FGD4: variants seen among roughly 807,000 people sequenced by gnomAD.
FGD4 encodes FYVE, RhoGEF and PH domain-containing protein 4.
FGD4 carries 42 observed loss-of-function variants against 102.0 expected under a neutral mutation model. The ratio of observed to expected loss-of-function variants is 0.41; its 90% CI spans 0.32 to 0.53. The LOEUF is 0.53. FGD4 is among the 20% of genes least tolerant of loss of function. FGD4 has a pLI of 0.21. For synonymous variants in FGD4, 380 were observed against 375.7 expected (o/e 1.01, Z -0.13); for missense variants, 902 against 1,078.2 (o/e 0.84, Z 2.29).
chr12:32,407,135 T>A lies in FGD4; in HGVS notation c.166+7176T>A, dbSNP rs1220255512. Among the ~76,000 whole-genome samples, 20 of 140,808 alleles carry A rather than the reference T, an allele frequency of 1.4e-4. 1 individual carries two copies. The highest frequency in any genetic ancestry group is 5.7e-4 in the Admixed American group (8 of 14,038). 92.4% of individuals were successfully genotyped at this position (140,808 alleles called of 152,430 possible). ...CAAGAAGCTGTATTTTTTTTTTTTT[T>A]TTTTTTTGAGACAGAGTCTCACTCT... On this transcript the variant is annotated intron_variant, in intron 1 of 16. Coordinates refer to ENST00000534526, the MANE Select transcript of FGD4 (RefSeq NM_001370298.3).
At position 32,410,314 on chromosome 12, in the gene FGD4, C is replaced by T. The variant is rs568718804; in HGVS notation, c.166+10355C>T. 4.0e-5 allele frequency among the ~76,000 whole-genome samples: 6 copies of T among 149,980 alleles called. No homozygotes were observed. The East Asian group carries it at 7.9e-4, about 20-fold the overall frequency. On this transcript the variant is annotated intron_variant, in intron 1 of 16. Transcript: ENST00000534526. Reference sequence around the variant, plus strand: ...CTGCACTCCAGCCTGGGCGACACAGCGAGATTCCGTCTCAAAAAAAAAAAA... The same window carrying T: ...CTGCACTCCAGCCTGGGCGACACAGTGAGATTCCGTCTCAAAAAAAAAAAA...
intron 1 of FGD4, among the ~76,000 whole-genome samples, chr12:32,528,179 C>T (rs1016961795): frequency 6.6e-6 from 1 of 152,060 alleles, no homozygotes; most frequent in East Asian, 1.9e-4. Flanking sequence ...TCAAGCAATC[C>T]TCCCGCTTCA....
intron 1 of FGD4, among the ~76,000 whole-genome samples, chr12:32,480,622 T>G (rs1283944764): frequency 6.6e-6 from 1 of 151,688 alleles, no homozygotes; most frequent in African/African-American, 2.4e-5. Flanking sequence ...TGCCTCAGCC[T>G]TCCGAGTAGC....
chr12:32,585,222 TTATATATATATATATA>T lies in FGD4; in HGVS notation c.1011+2775_1011+2790del, dbSNP rs140227421. 5.1e-3 allele frequency among the ~76,000 whole-genome samples: 587 copies of T among 116,142 alleles called. 10 individuals carry two copies. Among genetic ancestry groups the T allele is most frequent in the Middle Eastern group, 0.013 (3 of 238 alleles). 76.2% of individuals were successfully genotyped at this position (116,142 alleles called of 152,430 possible). On this transcript the variant is annotated intron_variant, in intron 4 of 16. Coordinates refer to ENST00000534526, the MANE Select transcript of FGD4 (RefSeq NM_001370298.3). ...AGAGTGAGACCCTGTCTCAAAAATT[TTATATATATATATATA>T]TATATATATATATATATATGTATAT...
At chr12:32,456,447 C>T (rs952048321) in intron 1 of FGD4, among the ~76,000 whole-genome samples, 3 of 152,060 alleles carry the variant, frequency 2.0e-5, no homozygotes, top group African/African-American at 2.4e-5. Context: ...TCACATGAGA[C>T]TACTGTAGTA....
chr12:32,475,916 C>T (rs1409426302), intron 1 of FGD4, among the ~76,000 whole-genome samples: 1 of 152,112 alleles, frequency 6.6e-6, no homozygotes, highest in Non-Finnish European at 1.5e-5. Context: ...CTTTATATTT[C>T]CTCTGAATTC....
At chr12:32,529,834 C>A (rs1941622625) in intron 1 of FGD4, among the ~76,000 whole-genome samples, 2 of 139,680 alleles carry the variant, frequency 1.4e-5, no homozygotes, top group African/African-American at 2.7e-5. Flanking sequence ...CAGAGTGAGA[C>A]TCTGTCTAAA....
intron 8 of FGD4, 40 bp from the exon 9 acceptor site, chr12:32,610,736 A>G: frequency 6.3e-7 from 1 of 1,576,178 alleles, no homozygotes; most frequent in Non-Finnish European, 8.7e-7. Context: ...CACAGGAAGG[A>G]CAAAGCATAT....
chr12:32,520,352 A>G (rs915742016), intron 1 of FGD4, among the ~76,000 whole-genome samples: 3 of 152,142 alleles, frequency 2.0e-5, no homozygotes, highest in African/African-American at 7.2e-5. Flanking sequence ...AAAAACAAGC[A>G]GATTCAGTCA....
intron 1 of FGD4, among the ~76,000 whole-genome samples, chr12:32,532,369 A>T (rs1941884098): frequency 6.6e-6 from 1 of 152,188 alleles, no homozygotes; most frequent in Non-Finnish European, 1.5e-5. Flanking sequence ...AATGGTTATC[A>T]CTGTACTAGC....
intron 1 of FGD4, among the ~76,000 whole-genome samples, chr12:32,562,740 C>T (rs1322346909): frequency 2.6e-5 from 4 of 152,122 alleles, no homozygotes; most frequent in South Asian, 2.1e-4. Context: ...AAAAGGTCAC[C>T]GATCAACAGG....
intron 1 of FGD4, among the ~76,000 whole-genome samples, chr12:32,402,553 A>G (rs1386898546): frequency 6.6e-6 from 1 of 151,600 alleles, no homozygotes; most frequent in Admixed American, 6.6e-5. Flanking sequence ...GCTCAAAGCT[A>G]TCCTTCTGCC....
intron 5 of FGD4, among the ~76,000 whole-genome samples, chr12:32,599,532 A>ATTTTTTTTTTTTTTTTTTTTTT (rs1948203574): frequency 2.1e-5 from 1 of 47,706 alleles, no homozygotes; most frequent in African/African-American, 8.4e-5. Context: ...AAACTAAGGC[A>ATTTTTTTTTTTTTTTTTTTTTT]TCTTTTTTTT....
At chr12:32,428,307 C>T (rs903799993) in intron 1 of FGD4, among the ~76,000 whole-genome samples, 1 of 152,140 alleles carries the variant, frequency 6.6e-6, no homozygotes, top group Non-Finnish European at 1.5e-5. Flanking sequence ...GATTTTATTT[C>T]TCCTTTGCTT....
At chr12:32,624,947 G>A in intron 12 of FGD4, 29 bp from the exon 13 acceptor site, 1 of 1,571,816 alleles carries the variant, frequency 6.4e-7, no homozygotes, top group Non-Finnish European at 8.8e-7. Context: ...AAACTTTAAT[G>A]TGTGCTTTGA....
rs1367386808 is a variant in FGD4, at chr12:32,452,280, A to T, written c.166+52321A>T. On this transcript the variant is annotated intron_variant, in intron 1 of 16. Transcript: ENST00000534526. The stretch of plus-strand genomic sequence containing the variant: ...CTGTGGTACATAGAAATTTTTGTGG[A>T]ATTCTCATTGCCAGTAAGTACCAGA... Among the ~76,000 whole-genome samples the T allele has an allele frequency of 3.9e-5, 6 of 152,196 alleles. No individual in the cohort carries two copies. The East Asian group carries it at 1.2e-3, about 29-fold the overall frequency.
intron 1 of FGD4, among the ~76,000 whole-genome samples, chr12:32,472,038 A>G (rs1417011522): frequency 6.6e-6 from 1 of 151,920 alleles, no homozygotes; most frequent in Non-Finnish European, 1.5e-5. Flanking sequence ...AGTCTCACTC[A>G]CTCCATTACT....
At chr12:32,426,983 C>G (rs1941860191) in intron 1 of FGD4, among the ~76,000 whole-genome samples, 1 of 150,388 alleles carries the variant, frequency 6.6e-6, no homozygotes, top group Non-Finnish European at 1.5e-5. Flanking sequence ...GGCTAGTGGT[C>G]TATTTTGTTA....
At chr12:32,473,484 C>T (rs957046395) in intron 1 of FGD4, among the ~76,000 whole-genome samples, 1 of 151,916 alleles carries the variant, frequency 6.6e-6, no homozygotes, top group African/African-American at 2.4e-5. Flanking sequence ...AGCTTCACTC[C>T]TGAGCCAGCG....
Sources: gnomAD v4.1 joint callset for allele counts (sites outside exome capture counted in the v4.1 genomes callset) on GRCh38, gnomAD v4.1.1 for gene constraint, MANE v1.5 for transcripts, NCBI Gene and HGNC (gene_info 2026-07-23, HGNC 2026-07-21) for gene names.